ZNF804B: variants seen among roughly 807,000 people sequenced by gnomAD.
The protein encoded by ZNF804B is zinc finger protein 804B.
Under a neutral mutation model 101.4 loss-of-function variants are expected in ZNF804B, and 80 were observed. The ratio of observed to expected loss-of-function variants is 0.79; its 90% confidence interval spans 0.66 to 0.95. The LOEUF is 0.95. ZNF804B is among the 40% of genes least tolerant of loss of function. The probability of loss-of-function intolerance (pLI) is 0.00; values close to 1 mark genes in which losing one functional copy is unlikely to be tolerated. For synonymous variants in ZNF804B, 622 were observed against 558.8 expected (o/e 1.11, Z -1.59); for missense variants, 1,673 against 1,561.9 (o/e 1.07, Z -1.20).
intron 1 of ZNF804B, among the ~76,000 whole-genome samples, chr7:89,013,253 A>G (rs1788491863): frequency 6.6e-6 from 1 of 152,206 alleles, no homozygotes; most frequent in South Asian, 2.1e-4. Flanking sequence ...GTAATTTTAA[A>G]TAAGCCATGC....
intron 2 of ZNF804B, among the ~76,000 whole-genome samples, chr7:89,324,547 A>C (rs1790868107): frequency 6.7e-6 from 1 of 149,724 alleles, no homozygotes; most frequent in South Asian, 2.1e-4. Flanking sequence ...TATTATGTTT[A>C]AATTTTATTT....
In ZNF804B at chr7:89,290,860, A is replaced by T. The variant is rs141004730; in HGVS notation, c.250-36484A>T. On this transcript the variant is annotated intron_variant, in intron 2 of 3. Coordinates refer to ENST00000333190, the MANE Select transcript of ZNF804B (RefSeq NM_181646.5). ...AAGACCCAGTGCTGTGCTGGCTTCA[A>T]GTAAGACCTAGTAGAGTCCCAGTGG... 4.2e-3 allele frequency among the ~76,000 whole-genome samples: 635 copies of T among 152,294 alleles called. 5 individuals carry two copies. Among genetic ancestry groups the T allele is most frequent in the African/African-American group, 0.014 (582 of 41,560 alleles).
Position 89,074,426 on chromosome 7 carries a change from A to G in ZNF804B, c.109-143729A>G, listed in dbSNP as rs189262237. 7.4e-4 allele frequency among the ~76,000 whole-genome samples: 112 copies of G among 152,248 alleles called. 1 individual carries two copies. The highest frequency in any genetic ancestry group is 1.5e-5 in the Non-Finnish European group (1 of 68,016). On this transcript the variant is annotated intron_variant, in intron 1 of 3. Coordinates refer to ENST00000333190, the MANE Select transcript of ZNF804B (RefSeq NM_181646.5). ...GTCTTTCCTGTGCTGTTCTTGTGAT[A>G]GTGAATGAGTCTTATGAGATCTGAT...
At chr7:88,822,354 C>T (rs942887600) in intron 1 of ZNF804B, among the ~76,000 whole-genome samples, 5 of 152,066 alleles carry the variant, frequency 3.3e-5, no homozygotes, top group South Asian at 2.1e-4. Flanking sequence ...TCTTGTTTAT[C>T]GAGTCATTTT....
chr7:88,938,184 G>A (rs1007937695), intron 1 of ZNF804B, among the ~76,000 whole-genome samples: 13 of 152,034 alleles, frequency 8.6e-5, no homozygotes, highest in African/African-American at 3.1e-4. Flanking sequence ...GGTTGAGTTT[G>A]TCTAAAGATC....
chr7:89,015,944 G>A lies in ZNF804B; in HGVS notation c.109-202211G>A, dbSNP rs1257243540. ...TCCACAATGGTTGAACTAGTTTACA[G>A]TCCCACCAACAGTGTAAAAGTGTTC... is the stretch of plus-strand genomic sequence containing the variant. On this transcript the variant is annotated intron_variant, in intron 1 of 3. Transcript: ENST00000333190. Among the ~76,000 whole-genome samples the A allele has an allele frequency of 9.6e-4, 146 of 151,852 alleles. 1 individual carries two copies. Among genetic ancestry groups the A allele is most frequent in the African/African-American group, 3.4e-3 (140 of 41,496 alleles).
chr7:88,808,136 A>C (rs934637023), intron 1 of ZNF804B, among the ~76,000 whole-genome samples: 1 of 152,150 alleles, frequency 6.6e-6, no homozygotes, highest in Non-Finnish European at 1.5e-5. Flanking sequence ...TCATGCCTGT[A>C]ATCCCAGAAC....
At position 89,064,207 on chromosome 7, in the gene ZNF804B, TAA is replaced by T. The variant is rs1789418254; in HGVS notation, c.109-153947_109-153946del. The stretch of plus-strand genomic sequence containing the variant: ...TTGGGTCCAAATGACTGGGCTTTTA[TAA>T]GAGTGCCTGATTCAGCCACTGGATA... On this transcript the variant is annotated intron_variant, in intron 1 of 3. Coordinates refer to ENST00000333190, the MANE Select transcript of ZNF804B (RefSeq NM_181646.5). Among the ~76,000 whole-genome samples the T allele has an allele frequency of 2.0e-5, 3 of 152,232 alleles. No homozygotes were observed. In the South Asian group the frequency reaches 6.2e-4, roughly 32 times the overall value.
intron 2 of ZNF804B, among the ~76,000 whole-genome samples, chr7:89,293,893 C>CA (rs1790339002): frequency 6.6e-6 from 1 of 151,850 alleles, no homozygotes; most frequent in Non-Finnish European, 1.5e-5. Context: ...AATATTTTTC[C>CA]ATTTGTTTTA....
intron 1 of ZNF804B, among the ~76,000 whole-genome samples, chr7:88,972,103 G>A (rs1414492697): frequency 2.0e-5 from 3 of 151,514 alleles, no homozygotes; most frequent in African/African-American, 7.3e-5. Context: ...TTATTGAGAA[G>A]CCATTACATG....
At chr7:88,851,895 G>A (rs1235581489) in intron 1 of ZNF804B, among the ~76,000 whole-genome samples, 1 of 152,104 alleles carries the variant, frequency 6.6e-6, no homozygotes, top group Non-Finnish European at 1.5e-5. Flanking sequence ...TATATGTGAA[G>A]TGTTATAGCA....
At chr7:89,041,991 A>T (rs1393874078) in intron 1 of ZNF804B, among the ~76,000 whole-genome samples, 3 of 152,206 alleles carry the variant, frequency 2.0e-5, no homozygotes, top group African/African-American at 7.2e-5. Flanking sequence ...ATTCAAAGTC[A>T]TTTTTAAAAT....
chr7:88,986,581 T>C (rs552228520), intron 1 of ZNF804B, among the ~76,000 whole-genome samples: 2 of 152,286 alleles, frequency 1.3e-5, no homozygotes, highest in South Asian at 4.1e-4. Context: ...TCTTTCACTT[T>C]GCCTTCTCTT....
intron 1 of ZNF804B, among the ~76,000 whole-genome samples, chr7:89,103,615 G>A (rs1790092964): frequency 6.6e-6 from 1 of 151,622 alleles, no homozygotes; most frequent in Non-Finnish European, 1.5e-5. Flanking sequence ...GTATCTTGAG[G>A]TCTGTGAGTC....
At chr7:89,289,041 A>G (rs1176179014) in intron 2 of ZNF804B, among the ~76,000 whole-genome samples, 2 of 152,246 alleles carry the variant, frequency 1.3e-5, no homozygotes, top group African/African-American at 2.4e-5. Context: ...AAGAGTGCAT[A>G]CTTTAATCTC....
chr7:89,134,821 GTT>G (rs11301136), intron 1 of ZNF804B, among the ~76,000 whole-genome samples: 1 of 148,752 alleles, frequency 6.7e-6, no homozygotes, highest in Non-Finnish European at 1.5e-5. Flanking sequence ...CAAACATCCT[GTT>G]TTTTTTTTAA....
intron 2 of ZNF804B, among the ~76,000 whole-genome samples, chr7:89,240,601 A>G (rs530292963): frequency 6.6e-6 from 1 of 152,008 alleles, no homozygotes; most frequent in Non-Finnish European, 1.5e-5. Context: ...TAATCGACAT[A>G]GTTCCTATAT....
intron 1 of ZNF804B, among the ~76,000 whole-genome samples, chr7:88,825,807 T>G (rs1483765756): frequency 1.3e-5 from 2 of 152,148 alleles, no homozygotes; most frequent in Admixed American, 6.6e-5. Flanking sequence ...TCACTTAAAC[T>G]CTTCCTCTGT....
At chr7:88,808,382 CA>C (rs77855035) in intron 1 of ZNF804B, among the ~76,000 whole-genome samples, 4,713 of 81,218 alleles carry the variant, frequency 0.058, 187 homozygotes, top group African/African-American at 0.16. Context: ...GACATCATCT[CA>C]AAAAAAAAAA....
Sources: gnomAD v4.1 joint callset for allele counts (sites outside exome capture counted in the v4.1 genomes callset) on GRCh38, gnomAD v4.1.1 for gene constraint, MANE v1.5 for transcripts, NCBI Gene and HGNC (gene_info 2026-07-23, HGNC 2026-07-21) for gene names.